The following FBXO21 variants were observed in gnomAD, a reference collection of about 807,000 sequenced individuals.
FBXO21 encodes the protein F-box only protein 21.
In FBXO21, 32 loss-of-function variants were observed where a neutral mutation model predicts 76.6. That is an observed-to-expected ratio of 0.42 (90% CI 0.32 to 0.56). The LOEUF is 0.56. Ranked by LOEUF, FBXO21 falls within the 20% of genes least tolerant of loss-of-function variation. The probability of loss-of-function intolerance (pLI) is 0.16; values close to 1 mark genes in which losing one functional copy is unlikely to be tolerated. For synonymous variants in FBXO21, 328 were observed against 311.5 expected, an observed-to-expected ratio of 1.05 and a Z score of -0.56; for missense variants, 586 against 797.3, an observed-to-expected ratio of 0.73 and a Z score of 3.19.
chr12:117,168,257 G>A (rs1337758754), intron 7 of FBXO21, among the ~76,000 whole-genome samples: 1 of 152,196 alleles, frequency 6.6e-6, no homozygotes, highest in Non-Finnish European at 1.5e-5. Flanking sequence ...TGGGTGCGGT[G>A]GCTAACGCCT....
chr12:117,181,599 GTCTATCTATCTATCT>G lies in FBXO21; in HGVS notation c.471-3973_471-3959del, dbSNP rs1278643702. Among the ~76,000 whole-genome samples, 625 of 145,660 alleles carry G rather than the reference GTCTATCTATCTATCT, an allele frequency of 4.3e-3. 5 individuals carry two copies. Among genetic ancestry groups the G allele is most frequent in the African/African-American group, 0.015 (580 of 39,558 alleles). ...TCGATCGATCTATCTATCTGAGACA[GTCTATCTATCTATCT>G]ATCTATCTATCTATCTATCTATCTA... On this transcript the variant is annotated intron_variant, in intron 3 of 11. Coordinates refer to ENST00000622495, the MANE Select transcript of FBXO21 (RefSeq NM_015002.3).
intron 3 of FBXO21, among the ~76,000 whole-genome samples, chr12:117,182,068 T>C (rs1566008156): frequency 6.6e-6 from 1 of 152,238 alleles, no homozygotes; most frequent in Admixed American, 6.5e-5. Context: ...TTGGCATTTA[T>C]GGAAACTACA....
At chr12:117,158,856 T>C (rs1396764390) in intron 9 of FBXO21, among the ~76,000 whole-genome samples, 2 of 152,174 alleles carry the variant, frequency 1.3e-5, no homozygotes, top group Non-Finnish European at 2.9e-5. Flanking sequence ...TGGAAAAAAC[T>C]CCACGTTTAA....
intron 11 of FBXO21, among the ~76,000 whole-genome samples, chr12:117,152,359 G>C (rs1326121686): frequency 6.6e-6 from 1 of 151,974 alleles, no homozygotes; most frequent in Non-Finnish European, 1.5e-5. Flanking sequence ...CCAGCTACTT[G>C]GGAGGCTGAG....
intron 11 of FBXO21, among the ~76,000 whole-genome samples, chr12:117,150,871 C>CTGTGTGTGTGTGTGTGTGTGTG (rs372253197): frequency 0.012 from 1,540 of 127,658 alleles, 50 homozygotes; most frequent in Admixed American, 0.043. Flanking sequence ...TGGCCATGGA[C>CTGTGTGTGTGTGTGTGTGTGTG]TGTGTGTGTG....
chr12:117,189,629 G>A (rs1353773512), intron 1 of FBXO21, among the ~76,000 whole-genome samples: 1 of 152,166 alleles, frequency 6.6e-6, no homozygotes, highest in Non-Finnish European at 1.5e-5. Context: ...GACAATGACA[G>A]TGAGCACTGA....
intron 10 of FBXO21, among the ~76,000 whole-genome samples, chr12:117,156,947 C>G (rs12310778): frequency 0.36 from 55,251 of 151,896 alleles, 11,685 homozygotes; most frequent in Admixed American, 0.55. Flanking sequence ...ACTTTGGGAG[C>G]CTGAGACGGC....
intron 11 of FBXO21, among the ~76,000 whole-genome samples, chr12:117,148,195 GA>G (rs1955800807): frequency 6.6e-6 from 1 of 152,144 alleles, no homozygotes; most frequent in Non-Finnish European, 1.5e-5. Flanking sequence ...AGGAGCTGAA[GA>G]AATGTGAGAA....
chr12:117,157,705 GAA>G (rs138775867), intron 10 of FBXO21, among the ~76,000 whole-genome samples, 166 bp downstream of exon 10: 1 of 150,878 alleles, frequency 6.6e-6, no homozygotes, highest in Non-Finnish European at 1.5e-5. Flanking sequence ...GGTTCAAAAA[GAA>G]AAAAAAAGAG....
chr12:117,172,685 C>T, intron 6 of FBXO21, 78 bp from the exon 7 acceptor site: 1 of 1,475,882 alleles, frequency 6.8e-7, no homozygotes, highest in South Asian at 1.3e-5. Flanking sequence ...TCTCATTAGG[C>T]ACCTATTGTG....
chr12:117,168,556 T>A (rs1037833831), intron 7 of FBXO21, among the ~76,000 whole-genome samples: 3 of 151,572 alleles, frequency 2.0e-5, no homozygotes, highest in Non-Finnish European at 2.9e-5. Flanking sequence ...TAAATAAACC[T>A]ATGAGGAAAG....
intron 3 of FBXO21, among the ~76,000 whole-genome samples, chr12:117,182,564 CTTTTTTTTTT>C (rs891529583): frequency 2.0e-4 from 17 of 83,336 alleles, no homozygotes; most frequent in South Asian, 5.5e-4. Flanking sequence ...GCAAGAGGAT[CTTTTTTTTTT>C]TTTTTTTTTT....
At chr12:117,189,002 A>T (rs550026404) in intron 2 of FBXO21, 5 of 566,922 alleles carry the variant, frequency 8.8e-6, no homozygotes, top group African/African-American at 7.5e-5. Context: ...CTCCACCCCC[A>T]CTCTCTCTCT....
At chr12:117,174,439 C>A in intron 5 of FBXO21, 98 bp from the exon 6 acceptor site, 1 of 1,364,708 alleles carries the variant, frequency 7.3e-7, no homozygotes, top group South Asian at 1.2e-5. Context: ...AATGGCCTAA[C>A]AATATTAATC....
At position 117,155,774 on chromosome 12, in the gene FBXO21, C is replaced by A. The variant is rs113669572; in HGVS notation, c.1675+17G>T. On this transcript the variant is annotated intron_variant, in intron 11 of 11. Transcript: ENST00000622495. ...ACGCCCGCGGGGCCACTGGCACAAG[C>A]GGAACCCGCCGCTTACCTTGGGCTG... 6.2e-7 allele frequency: 1 copy of A among 1,606,080 alleles called. No individual in the cohort carries two copies. The highest frequency in any genetic ancestry group is 1.1e-5 in the South Asian group (1 of 90,044).
At chr12:117,181,602 T>TATCC (rs1460682789) in intron 3 of FBXO21, among the ~76,000 whole-genome samples, 4 of 86,520 alleles carry the variant, frequency 4.6e-5, no homozygotes, top group African/African-American at 2.7e-4. Flanking sequence ...TGAGACAGTC[T>TATCC]ATCTATCTAT....
chr12:117,150,962 GT>G, intron 11 of FBXO21, among the ~76,000 whole-genome samples: 1 of 52,206 alleles, frequency 1.9e-5, no homozygotes, highest in African/African-American at 9.6e-5. Flanking sequence ...AAGTTTGTGT[GT>G]GTGTGTGTGT....
intron 11 of FBXO21, among the ~76,000 whole-genome samples, chr12:117,147,252 A>G (rs1371442583): frequency 6.7e-6 from 1 of 149,656 alleles, no homozygotes; most frequent in Non-Finnish European, 1.5e-5. Flanking sequence ...CAAAAAAAAG[A>G]AAGAAAGAAA....
chr12:117,186,624 C>T, intron 2 of FBXO21, 53 bp from the exon 3 acceptor site: 1 of 1,103,426 alleles, frequency 9.1e-7, no homozygotes, highest in South Asian at 1.3e-5. Flanking sequence ...TGATGCAACT[C>T]TCACTCTCAC....
Sources: allele counts gnomAD v4.1 joint callset (sites outside exome capture counted in the v4.1 genomes callset), GRCh38; gene constraint gnomAD v4.1.1; transcripts MANE v1.5; gene names NCBI Gene and HGNC (gene_info 2026-07-23, HGNC 2026-07-21).